FHIT: variants seen among roughly 807,000 people sequenced by gnomAD.
FHIT encodes the protein fragile histidine triad diadenosine triphosphatase.
In FHIT, 19 loss-of-function variants were observed where a neutral mutation model predicts 17.9. That is an observed-to-expected ratio of 1.06 (90% CI 0.74 to 1.56). The LOEUF is 1.56. FHIT is among the 40% of genes most tolerant of loss of function. The pLI, the probability that FHIT is intolerant of heterozygous loss-of-function variation, is 0.00. For missense variants in FHIT, 248 were observed against 189.2 expected (o/e 1.31, Z -1.82); for synonymous variants, 81 against 69.7 (o/e 1.16, Z -0.81).
In FHIT at chr3:60,963,140, G is replaced by A. The variant is rs545757489; in HGVS notation, c.-111+78907C>T. Among the ~76,000 whole-genome samples, 457 of 152,136 alleles carry A rather than the reference G, an allele frequency of 3.0e-3. 2 individuals carry two copies. The highest frequency in any genetic ancestry group is 0.011 in the African/African-American group (436 of 41,514). Reference sequence around the variant, plus strand: ...TTGGTCTATTAAGGGATTCAACTTCGTCCTGGTTTAGTCTTGGGAGAGTGT... The same window carrying A: ...TTGGTCTATTAAGGGATTCAACTTCATCCTGGTTTAGTCTTGGGAGAGTGT... On this transcript the variant is annotated intron_variant, in intron 3 of 9. Transcript: ENST00000492590.
intron 5 of FHIT, among the ~76,000 whole-genome samples, chr3:60,225,031 G>T (rs1009896144): frequency 6.6e-6 from 1 of 151,908 alleles, no homozygotes; most frequent in South Asian, 2.1e-4. Context: ...AGGATTTTCC[G>T]ATTTTAAATC....
rs375169417 is a variant in FHIT at position 60,896,131 on chromosome 3, G to A, written c.-110-74120C>T. Among the ~76,000 whole-genome samples the A allele has an allele frequency of 6.6e-5, 10 of 152,236 alleles. No individual in the cohort carries two copies. In the South Asian group the frequency reaches 2.1e-3, roughly 32 times the overall value. ...CATTATGAGAATCTAACTAATGCCT[G>A]ATGATTTTAGATGGAACAGTTTCAT... On this transcript the variant is annotated intron_variant, in intron 3 of 9. Transcript: ENST00000492590.
At chr3:61,069,126 A>G (rs1179441395) in intron 2 of FHIT, among the ~76,000 whole-genome samples, 1 of 152,176 alleles carries the variant, frequency 6.6e-6, no homozygotes, top group Non-Finnish European at 1.5e-5. Flanking sequence ...GAAGGCCTTT[A>G]AAATACGAAT....
intron 3 of FHIT, among the ~76,000 whole-genome samples, chr3:60,929,417 C>A (rs1240170170): frequency 1.3e-5 from 2 of 152,114 alleles, no homozygotes; most frequent in Non-Finnish European, 2.9e-5. Flanking sequence ...AGAGGAAATC[C>A]AATTGTCCCT....
intron 5 of FHIT, among the ~76,000 whole-genome samples, chr3:60,161,392 G>A (rs1700932053): frequency 6.6e-6 from 1 of 152,262 alleles, no homozygotes; most frequent in Middle Eastern, 3.4e-3. Flanking sequence ...GATGAGGGTA[G>A]GGCCTGATTT....
intron 4 of FHIT, among the ~76,000 whole-genome samples, chr3:60,698,550 G>T (rs1286307759): frequency 1.3e-5 from 2 of 152,084 alleles, no homozygotes; most frequent in African/African-American, 2.4e-5. Context: ...CTATGGCTGG[G>T]GAGCTAAATA....
intron 5 of FHIT, among the ~76,000 whole-genome samples, chr3:60,471,100 A>G (rs1453210406): frequency 2.0e-5 from 3 of 152,192 alleles, no homozygotes; most frequent in African/African-American, 4.8e-5. Flanking sequence ...TTGCAAAACA[A>G]TATCCTCTTT....
chr3:60,097,713 A>T (rs6806511), intron 5 of FHIT, among the ~76,000 whole-genome samples: 98,076 of 150,812 alleles, frequency 0.65, 32,679 homozygotes, highest in East Asian at 0.97. Context: ...TCTTTTTTTT[A>T]AAATTTTATT....
chr3:61,021,055 G>A (rs1237089464), intron 3 of FHIT, among the ~76,000 whole-genome samples: 1 of 152,084 alleles, frequency 6.6e-6, no homozygotes, highest in Non-Finnish European at 1.5e-5. Context: ...GACCTACAAA[G>A]AGACTTAGAC....
chr3:60,193,910 C>T (rs184596044), intron 5 of FHIT, among the ~76,000 whole-genome samples: 6 of 152,244 alleles, frequency 3.9e-5, no homozygotes, highest in African/African-American at 1.4e-4. Context: ...AAAATGGGCT[C>T]GCTTTCCAAT....
At chr3:60,241,605 G>A (rs1026688546) in intron 5 of FHIT, among the ~76,000 whole-genome samples, 1 of 152,062 alleles carries the variant, frequency 6.6e-6, no homozygotes. Context: ...GGGGATAGAG[G>A]CAAAGAGAGA....
At chr3:59,957,134 C>G (rs1559497527) in intron 7 of FHIT, among the ~76,000 whole-genome samples, 1 of 152,192 alleles carries the variant, frequency 6.6e-6, no homozygotes, top group Non-Finnish European at 1.5e-5. Context: ...AAGCCCTCAT[C>G]CCCAGTACCT....
intron 8 of FHIT, among the ~76,000 whole-genome samples, chr3:59,755,035 G>A (rs557147796): frequency 6.6e-6 from 1 of 152,196 alleles, no homozygotes; most frequent in South Asian, 2.1e-4. Flanking sequence ...CAATTCTAAG[G>A]TGCACTTACT....
At chr3:60,779,944 G>A (rs1035258107) in intron 4 of FHIT, among the ~76,000 whole-genome samples, 4 of 152,210 alleles carry the variant, frequency 2.6e-5, no homozygotes, top group African/African-American at 7.2e-5. Context: ...ACGTGGGTAA[G>A]AGCGGATGAT....
intron 3 of FHIT, among the ~76,000 whole-genome samples, chr3:60,910,583 T>C (rs1239477342): frequency 6.6e-6 from 1 of 152,034 alleles, no homozygotes; most frequent in Non-Finnish European, 1.5e-5. Flanking sequence ...GGCTAATTTT[T>C]TGTATTTTTT....
chr3:61,212,373 G>A (rs539735081), intron 1 of FHIT, among the ~76,000 whole-genome samples: 45 of 152,314 alleles, frequency 3.0e-4, no homozygotes, highest in African/African-American at 9.4e-4. Context: ...CTCAGGAGCC[G>A]ATGCGATCAA....
chr3:59,780,437 A>G (rs78495348), intron 8 of FHIT, among the ~76,000 whole-genome samples: 3,290 of 152,328 alleles, frequency 0.022, 56 homozygotes, highest in Middle Eastern at 0.092. Flanking sequence ...CTCTATGTAC[A>G]GGAATGAATC....
chr3:60,162,769 C>G (rs917088522), intron 5 of FHIT, among the ~76,000 whole-genome samples: 2 of 152,172 alleles, frequency 1.3e-5, no homozygotes, highest in East Asian at 1.9e-4. Context: ...CGCTATACTC[C>G]TACCTATAAA....
chr3:59,793,332 C>G (rs1013208595), intron 8 of FHIT, among the ~76,000 whole-genome samples: 2 of 152,168 alleles, frequency 1.3e-5, no homozygotes, highest in African/African-American at 4.8e-5. Context: ...ACTAATGAAA[C>G]AGCCTTACCA....
Sources: gnomAD v4.1 joint callset for allele counts (sites outside exome capture counted in the v4.1 genomes callset) on GRCh38, gnomAD v4.1.1 for gene constraint, MANE v1.5 for transcripts, NCBI Gene and HGNC (gene_info 2026-07-23, HGNC 2026-07-21) for gene names.